The following RANBP9 variants were observed in gnomAD, a reference collection of about 807,000 sequenced individuals.
The protein encoded by RANBP9 is ran-binding protein 9.
Under a neutral mutation model 84.3 loss-of-function variants are expected in RANBP9, and 15 were observed. That is an observed-to-expected ratio of 0.18 (90% CI 0.12 to 0.27). The LOEUF (loss-of-function observed/expected upper bound fraction) is 0.27, where lower values mean the gene tolerates loss of function less well. Among genes scored for constraint, RANBP9 ranks in the 10% least tolerant of loss-of-function variants. The pLI is 1.00. For missense variants in RANBP9, 809 were observed against 912.8 expected (o/e 0.89, Z 1.46); for synonymous variants, 392 against 349.6 (o/e 1.12, Z -1.35).
At chr6:13,679,568 AC>A (rs1765980405) in intron 2 of RANBP9, among the ~76,000 whole-genome samples, 1 of 152,226 alleles carries the variant, frequency 6.6e-6, no homozygotes, top group African/African-American at 2.4e-5. Context: ...CCCAACAGAC[AC>A]AAAATTGTTT....
intron 2 of RANBP9, among the ~76,000 whole-genome samples, chr6:13,686,203 C>G (rs1766181304): frequency 6.8e-6 from 1 of 147,304 alleles, no homozygotes. Flanking sequence ...CTCCTGGGCT[C>G]AAGCGATCTT....
intron 2 of RANBP9, among the ~76,000 whole-genome samples, chr6:13,682,406 AAAAAAAAGACTGC>A (rs1005148398): frequency 8.7e-5 from 13 of 150,278 alleles, no homozygotes; most frequent in African/African-American, 3.0e-4. Flanking sequence ...AAAAAAAAAA[AAAAAAAAGACTGC>A]AAAAAAACAT....
intron 2 of RANBP9, among the ~76,000 whole-genome samples, chr6:13,682,912 C>T (rs959845698): frequency 1.4e-4 from 21 of 152,062 alleles, no homozygotes; most frequent in Non-Finnish European, 5.9e-5. Flanking sequence ...TGTGGATGTA[C>T]AGATCTATAA....
chr6:13,637,829 T>C lies in RANBP9; in HGVS notation c.1652A>G (p.Gln551Arg). Residue 551 changes from glutamine (Q) to arginine (R), a missense_variant, in exon 10 of 14, where the codon CAG becomes CGG. Around this residue, in one of 5 missense-constraint regions of RANBP9, gnomAD observed 233 missense variants for 234.4 expected, o/e 0.99. Coordinates refer to ENST00000011619, the MANE Select transcript of RANBP9 (RefSeq NM_005493.3). The stretch of plus-strand genomic sequence containing the variant: ...TTACCTGGTGAAGTTATTAACTTGC[T>C]GTGATCTTGACATATTTATACTGTT... ...ELNSINMSRS[Q>R]QVNNFTSNDV... The C allele has an allele frequency of 6.3e-7, 1 of 1,597,608 alleles. No homozygotes were observed. Among genetic ancestry groups the C allele is most frequent in the Non-Finnish European group, 8.5e-7 (1 of 1,174,628 alleles).
At chr6:13,661,319 A>T (rs79636955) in intron 2 of RANBP9, among the ~76,000 whole-genome samples, 8,020 of 152,294 alleles carry the variant, frequency 0.053, 218 homozygotes, top group Middle Eastern at 0.085. Context: ...CTAGTTTTGG[A>T]TTGGGAGGAA....
chr6:13,678,746 C>T (rs929963378), intron 2 of RANBP9, among the ~76,000 whole-genome samples: 18 of 152,164 alleles, frequency 1.2e-4, no homozygotes, highest in South Asian at 2.1e-4. Flanking sequence ...CCTGGTGCTT[C>T]CCCTGTGTAG....
At chr6:13,694,965 T>G (rs149546349) in intron 2 of RANBP9, among the ~76,000 whole-genome samples, 332 of 152,322 alleles carry the variant, frequency 2.2e-3, no homozygotes, top group African/African-American at 7.5e-3. Flanking sequence ...TATATGACTA[T>G]ACATGTTTGT....
chr6:13,632,789 AAAAATTTTAGAAAAAGTATAATT>A (rs1764826183), intron 11 of RANBP9: 1 of 257,760 alleles, frequency 3.9e-6, no homozygotes, highest in Non-Finnish European at 7.3e-6. Context: ...TATGTCAGAA[AAAAATTTTAGAAAAAGTATAATT>A]CCCTAAAACT....
In RANBP9 at chr6:13,657,131, G is replaced by A; in HGVS notation, c.882C>T (p.Tyr294=). 6.2e-7 allele frequency: 1 copy of A among 1,611,182 alleles called. No individual in the cohort carries two copies. Among genetic ancestry groups the A allele is most frequent in the African/African-American group, 1.3e-5 (1 of 74,946 alleles). The change falls in exon 4 of 14, where the codon TAC becomes TAT. Residue 294 remains tyrosine (Y), a synonymous_variant. Coordinates refer to ENST00000011619, the MANE Select transcript of RANBP9 (RefSeq NM_005493.3). ...TACCTAAACTATGTCCATTCTTGGT[G>A]TAAAAGCAGGTATTGTTGATAAGAT... ...CVNLINNTCF[Y]TKNGHSLGIA...
intron 4 of RANBP9, among the ~76,000 whole-genome samples, chr6:13,653,929 T>C (rs144848755): frequency 1.3e-5 from 2 of 151,966 alleles, no homozygotes; most frequent in Non-Finnish European, 2.9e-5. Flanking sequence ...AATAAAAAAC[T>C]TTCCCAAAAA....
chr6:13,652,939 G>C (rs1173812369), intron 4 of RANBP9, among the ~76,000 whole-genome samples: 3 of 152,090 alleles, frequency 2.0e-5, no homozygotes, highest in African/African-American at 7.2e-5. Context: ...TTGTCTCCAG[G>C]ATTTTTGAAA....
intron 2 of RANBP9, among the ~76,000 whole-genome samples, chr6:13,686,109 C>T (rs1486978607): frequency 1.6e-4 from 2 of 12,532 alleles, no homozygotes; most frequent in African/African-American, 3.7e-4. Context: ...TTCCCCCCCC[C>T]CCCCCCGCCC....
chr6:13,670,638 T>C (rs1189629503), intron 2 of RANBP9, among the ~76,000 whole-genome samples: 3 of 151,172 alleles, frequency 2.0e-5, no homozygotes, highest in Admixed American at 1.3e-4. Flanking sequence ...CTACCAAAAA[T>C]ACAAAAACAA....
rs140516432 is a variant in RANBP9 at position 13,706,011 on chromosome 6, G to A, written c.571+4924C>T. Among the ~76,000 whole-genome samples, 113 of 152,194 alleles carry A rather than the reference G, an allele frequency of 7.4e-4. 1 individual carries two copies. The highest frequency in any genetic ancestry group is 2.3e-3 in the African/African-American group (95 of 41,536). On this transcript the variant is annotated intron_variant, in intron 1 of 13. Coordinates refer to ENST00000011619, the MANE Select transcript of RANBP9 (RefSeq NM_005493.3). ...AGATAAGCAATTATATTTAGGAAGT[G>A]TTCAAGCGCTAATGACTGGGGGTAC... is the stretch of plus-strand genomic sequence containing the variant.
At position 13,711,246 on chromosome 6, in the gene RANBP9, G is replaced by T; in HGVS notation, c.260C>A (p.Pro87Gln). 1.0e-6 allele frequency: 1 copy of T among 980,542 alleles called. No individual in the cohort carries two copies. Among genetic ancestry groups the T allele is most frequent in the Non-Finnish European group, 1.2e-6 (1 of 826,940 alleles). The allele number at this position is 980,542 out of a possible 1,614,324, so 60.7% of individuals were successfully genotyped here. A position where few individuals can be genotyped will look rare whatever the true frequency, so the allele number is the denominator to read the frequency against. The stretch of plus-strand genomic sequence containing the variant: ...CGCTGAGGCAGGGGGAGGCGGGGGC[G>T]GCGGCGGGGGCGGCGGGGCCGCGGT... ...PATAAPPPPP[P>Q]PPPPPASAAA... The change falls in exon 1 of 14, where the codon CCG (proline) becomes CAG (glutamine). Residue 87 changes from proline to glutamine, a missense_variant. Pro to Gln is a moderately conservative substitution (Grantham distance 76, BLOSUM62 -1). Transcript: ENST00000011619.
chr6:13,701,425 A>G (rs896636515), intron 1 of RANBP9, among the ~76,000 whole-genome samples: 2 of 152,084 alleles, frequency 1.3e-5, no homozygotes, highest in African/African-American at 4.8e-5. Flanking sequence ...TTTACTTTAA[A>G]CTTTACATCC....
At chr6:13,676,723 C>A (rs1057268190) in intron 2 of RANBP9, among the ~76,000 whole-genome samples, 2 of 151,636 alleles carry the variant, frequency 1.3e-5, no homozygotes, top group African/African-American at 4.8e-5. Context: ...TCAAAAAAAA[C>A]AATGTAATCA....
At chr6:13,681,638 A>T (rs1036581610) in intron 2 of RANBP9, among the ~76,000 whole-genome samples, 10 of 152,116 alleles carry the variant, frequency 6.6e-5, no homozygotes, top group Admixed American at 6.5e-4. Context: ...AAAGCAACAA[A>T]AATGTTTCAA....
chr6:13,711,097 C>T lies in RANBP9; in HGVS notation c.409G>A (p.Asp137Asn). ...TTCTCCTGCTCGTTCAGGGCCGAGTCCCCGTGAGGGAAGGGGGCCGCGGCG... is the reference window on the plus strand; with the variant it reads ...TTCTCCTGCTCGTTCAGGGCCGAGTTCCCGTGAGGGAAGGGGGCCGCGGCG... ...SSAAAPFPHG[D>N]SALNEQEKEL... Residue 137 changes from aspartate to asparagine, a missense_variant, in exon 1 of 14, where the codon GAC becomes AAC. Asp to Asn is a conservative substitution (Grantham distance 23). This residue lies in a region of RANBP9 where 302 missense variants were observed against 240.1 expected (regional missense o/e 1.26). Transcript: ENST00000011619. 2 of 1,568,304 alleles carry T rather than the reference C, an allele frequency of 1.3e-6. No homozygotes were observed. Among genetic ancestry groups the T allele is most frequent in the Non-Finnish European group, 1.7e-6 (2 of 1,157,202 alleles).
Sources: gnomAD v4.1 joint callset for allele counts (sites outside exome capture counted in the v4.1 genomes callset) on GRCh38, gnomAD v4.1.1 for gene constraint, gnomAD v4.1.1 regional missense constraint, MANE v1.5 for transcripts, NCBI Gene and HGNC (gene_info 2026-07-23, HGNC 2026-07-21) for gene names.